SLC24A2: variants seen among roughly 807,000 people sequenced by gnomAD.
SLC24A2 encodes solute carrier family 24 member 2, also known as sodium/potassium/calcium exchanger 2.
In SLC24A2, 36 loss-of-function variants were observed where a neutral mutation model predicts 62.0. The observed-to-expected ratio is 0.58, with a 90% CI of 0.44 to 0.77. The LOEUF is 0.77. Among genes scored for constraint, SLC24A2 ranks in the 30% least tolerant of loss-of-function variants. The pLI, the probability that SLC24A2 is intolerant of heterozygous loss-of-function variation, is 0.00. For synonymous variants in SLC24A2, 358 were observed against 294.0 expected (o/e 1.22, Z -2.23); for missense variants, 846 against 817.9 (o/e 1.03, Z -0.42).
chr9:19,863,624 TA>T, the SLC24A2 span, among the ~76,000 whole-genome samples: 698 of 137,542 alleles, frequency 5.1e-3, 6 homozygotes, highest in African/African-American at 0.018. Flanking sequence ...GTGGGTAAAT[TA>T]AAAAATTAAG....
rs1564009510 is a variant in SLC24A2, at chr9:19,636,300, TTTTCTTTTCTTTTCTTTTC to T, written c.931-14020_931-14002del. ...TCTCTTCTTCTCTTCTTTTCTTTTC[TTTTCTTTTCTTTTCTTTTC>T]TTTCTTTCTTTCTTTCTTTCTTTCT... is the stretch of plus-strand genomic sequence containing the variant. On this transcript the variant is annotated intron_variant, in intron 2 of 10. Coordinates refer to ENST00000341998, the MANE Select transcript of SLC24A2 (RefSeq NM_020344.4). Among the ~76,000 whole-genome samples the T allele has an allele frequency of 8.6e-4, 40 of 46,606 alleles. 3 individuals carry two copies. The highest frequency in any genetic ancestry group is 1.1e-3 in the African/African-American group (13 of 11,486). The allele number at this position is 46,606 out of a possible 152,430, so 30.6% of individuals were successfully genotyped here. A position where few individuals can be genotyped will look rare whatever the true frequency, so the allele number is the denominator to read the frequency against.
chr9:19,843,575 G>A, the SLC24A2 span, among the ~76,000 whole-genome samples: 1 of 152,176 alleles, frequency 6.6e-6, no homozygotes, highest in East Asian at 1.9e-4. Flanking sequence ...TTTGTTGTGT[G>A]GGTATGTTGT....
chr9:19,722,028 T>A, intron 2 of SLC24A2, among the ~76,000 whole-genome samples: 1 of 152,160 alleles, frequency 6.6e-6, no homozygotes, highest in Non-Finnish European at 1.5e-5. Context: ...CCCCATTGGT[T>A]AGGCAATCCC....
chr9:20,235,676 TC>T, the SLC24A2 span, among the ~76,000 whole-genome samples: 159 of 152,292 alleles, frequency 1.0e-3, 1 homozygote, highest in African/African-American at 3.5e-3. Flanking sequence ...CCCTTGTGCT[TC>T]CCGGGTGAGG....
intron 9 of SLC24A2, among the ~76,000 whole-genome samples, chr9:19,524,278 CA>C (rs1833333341): frequency 6.6e-6 from 1 of 151,590 alleles, no homozygotes; most frequent in Non-Finnish European, 1.5e-5. Context: ...AAATGAGACA[CA>C]AGGTCTTAGT....
the SLC24A2 span, among the ~76,000 whole-genome samples, chr9:20,230,049 C>A: frequency 6.6e-6 from 1 of 152,146 alleles, no homozygotes; most frequent in Non-Finnish European, 1.5e-5. Context: ...CATGTCCCTA[C>A]AAAGGACATG....
the SLC24A2 span, among the ~76,000 whole-genome samples, chr9:20,070,956 G>A: frequency 6.6e-6 from 1 of 152,160 alleles, no homozygotes; most frequent in Admixed American, 6.5e-5. Flanking sequence ...GGTTATAGAG[G>A]TGGTTTATTA....
chr9:19,562,535 G>A (rs1835453666), intron 7 of SLC24A2, among the ~76,000 whole-genome samples: 1 of 152,102 alleles, frequency 6.6e-6, no homozygotes, highest in Non-Finnish European at 1.5e-5. Flanking sequence ...TCTTTTAAAT[G>A]TGTTGAAAGG....
intron 2 of SLC24A2, among the ~76,000 whole-genome samples, chr9:19,758,053 A>G (rs1822200620): frequency 6.6e-6 from 1 of 152,146 alleles, no homozygotes; most frequent in Non-Finnish European, 1.5e-5. Flanking sequence ...CCATGAGCTA[A>G]ATAAACTTTT....
chr9:20,006,343 AG>A, the SLC24A2 span, among the ~76,000 whole-genome samples: 1 of 151,672 alleles, frequency 6.6e-6, no homozygotes, highest in Non-Finnish European at 1.5e-5. Context: ...GGGTGAGGGG[AG>A]GGGGGATGGT....
the SLC24A2 span, among the ~76,000 whole-genome samples, chr9:20,081,104 T>G: frequency 2.0e-5 from 3 of 152,162 alleles, no homozygotes; most frequent in Admixed American, 1.3e-4. Flanking sequence ...GAAATACCAT[T>G]TGACCCAGCC....
At chr9:19,993,030 C>A in the SLC24A2 span, among the ~76,000 whole-genome samples, 25 of 152,198 alleles carry the variant, frequency 1.6e-4, no homozygotes, top group African/African-American at 5.8e-4. Flanking sequence ...CAAACCTTAA[C>A]CCATAGAGAG....
At chr9:20,172,979 C>G in the SLC24A2 span, among the ~76,000 whole-genome samples, 4 of 152,030 alleles carry the variant, frequency 2.6e-5, no homozygotes, top group African/African-American at 7.2e-5. Flanking sequence ...AAAAGATAAT[C>G]CACCACGATC....
At chr9:19,532,214 G>C (rs1257654890) in intron 8 of SLC24A2, among the ~76,000 whole-genome samples, 3 of 152,088 alleles carry the variant, frequency 2.0e-5, no homozygotes, top group South Asian at 4.1e-4. Context: ...TCCTGAGGTA[G>C]GGTTTACAGG....
chr9:19,595,899 A>C (rs1373562078), intron 5 of SLC24A2, among the ~76,000 whole-genome samples: 1 of 152,152 alleles, frequency 6.6e-6, no homozygotes, highest in Non-Finnish European at 1.5e-5. Context: ...CCTTAAATGT[A>C]TAAATGGCTC....
At chr9:20,010,197 C>T in the SLC24A2 span, among the ~76,000 whole-genome samples, 1 of 152,148 alleles carries the variant, frequency 6.6e-6, no homozygotes. Flanking sequence ...GCATGCTCAG[C>T]GTTGCCACCA....
At chr9:20,054,294 T>G in the SLC24A2 span, among the ~76,000 whole-genome samples, 1 of 151,964 alleles carries the variant, frequency 6.6e-6, no homozygotes, top group African/African-American at 2.4e-5. Context: ...TGGGTTCAAG[T>G]GATTCTCCTG....
the SLC24A2 span, among the ~76,000 whole-genome samples, chr9:19,943,053 A>AC: frequency 2.6e-5 from 4 of 152,198 alleles, no homozygotes; most frequent in African/African-American, 9.6e-5. Context: ...GTCTTAGAAT[A>AC]TTAAAAAATA....
chr9:19,556,947 A>G (rs1835121661), intron 7 of SLC24A2, among the ~76,000 whole-genome samples: 1 of 152,188 alleles, frequency 6.6e-6, no homozygotes, highest in South Asian at 2.1e-4. Flanking sequence ...ACAAGCTGCA[A>G]TCATAGATGT....
Sources: gnomAD v4.1 joint callset for allele counts (sites outside exome capture counted in the v4.1 genomes callset) on GRCh38, gnomAD v4.1.1 for gene constraint, MANE v1.5 for transcripts, NCBI Gene and HGNC (gene_info 2026-07-23, HGNC 2026-07-21) for gene names.